The following MIER1 variants were observed in gnomAD, a reference collection of about 807,000 sequenced individuals.
MIER1 encodes MIER1 transcriptional regulator.
MIER1 carries 40 observed loss-of-function variants against 75.7 expected under a neutral mutation model. The observed-to-expected ratio is 0.53, with a 90% CI of 0.41 to 0.69. The LOEUF (loss-of-function observed/expected upper bound fraction) is 0.69, where lower values mean the gene tolerates loss of function less well. Ranked by LOEUF, MIER1 falls within the 30% of genes least tolerant of loss-of-function variation. The pLI is 0.00. For missense variants in MIER1, 574 were observed against 680.2 expected (o/e 0.84, Z 1.74); for synonymous variants, 213 against 223.4 (o/e 0.95, Z 0.42).
intron 10 of MIER1, among the ~76,000 whole-genome samples, chr1:66,972,231 A>T (rs958187656): frequency 1.3e-3 from 94 of 71,240 alleles, no homozygotes; most frequent in African/African-American, 5.4e-3. Flanking sequence ...ATATATATAC[A>T]CTACATATAT....
chr1:66,967,705 T>C (rs2101831561), intron 8 of MIER1, among the ~76,000 whole-genome samples: 1 of 152,110 alleles, frequency 6.6e-6, no homozygotes, highest in Non-Finnish European at 1.5e-5. Flanking sequence ...GTTGTCATTA[T>C]GGAGATCTTT....
chr1:66,977,935 A>G (rs990456706), intron 12 of MIER1, among the ~76,000 whole-genome samples: 2 of 152,096 alleles, frequency 1.3e-5, no homozygotes, highest in Non-Finnish European at 2.9e-5. Flanking sequence ...GCGGTGGCTC[A>G]CTCCTGTAAT....
At chr1:66,957,670 A>G (rs1196654600) in intron 4 of MIER1, among the ~76,000 whole-genome samples, 3 of 103,092 alleles carry the variant, frequency 2.9e-5, no homozygotes, top group East Asian at 2.8e-4. Flanking sequence ...CTTATAGTCT[A>G]TTTCTCATTG....
chr1:66,958,227 C>G lies in MIER1; in HGVS notation c.501+7C>G. The G allele has an allele frequency of 6.3e-7, 1 of 1,586,272 alleles. No homozygotes were observed. The highest frequency in any genetic ancestry group is 2.2e-5 in the East Asian group (1 of 44,608). On this transcript the variant is annotated splice_region_variant and intron_variant, in intron 5 of 13. Coordinates refer to ENST00000401041, the MANE Select transcript of MIER1 (RefSeq NM_001077700.3). ...CTGTAGTGGGGAAAATAAAGTAAGT[C>G]TATATACATATATTTAAGATTGTAG...
At position 66,969,069 on chromosome 1, in the gene MIER1, A is replaced by G. The variant is rs567032776; in HGVS notation, c.773-1739A>G. Among the ~76,000 whole-genome samples, 8 of 152,334 alleles carry G rather than the reference A, an allele frequency of 5.3e-5. No homozygotes were observed. The East Asian group carries it at 1.5e-3, about 29-fold the overall frequency. On this transcript the variant is annotated intron_variant, in intron 8 of 13. Transcript: ENST00000401041. Reference sequence around the variant, plus strand: ...TTATCATGGTAGTTTTATTGTATTTATAATTTAGGATATAACTAGGATTGT... The same window carrying G: ...TTATCATGGTAGTTTTATTGTATTTGTAATTTAGGATATAACTAGGATTGT...
At chr1:66,936,617 A>G (rs184841783) in intron 2 of MIER1, among the ~76,000 whole-genome samples, 55 of 152,146 alleles carry the variant, frequency 3.6e-4, no homozygotes, top group African/African-American at 1.2e-3. Flanking sequence ...TATTGTTAAG[A>G]TAACAGTTTC....
At chr1:66,977,059 A>G (rs981647986) in intron 12 of MIER1, among the ~76,000 whole-genome samples, 3 of 152,072 alleles carry the variant, frequency 2.0e-5, no homozygotes, top group Non-Finnish European at 4.4e-5. Context: ...CTGTGAAAGC[A>G]TGTTTTTCTT....
intron 7 of MIER1, among the ~76,000 whole-genome samples, chr1:66,962,723 T>G (rs746560586): frequency 9.9e-5 from 15 of 152,194 alleles, no homozygotes; most frequent in Non-Finnish European, 2.9e-5. Context: ...ATAGGGATCA[T>G]ATTTAAGACC....
At chr1:66,971,020 C>T in intron 9 of MIER1, 61 bp downstream of exon 9, 4 of 1,428,736 alleles carry the variant, frequency 2.8e-6, no homozygotes, top group Non-Finnish European at 3.8e-6. Context: ...TAAATGCTGT[C>T]ACTTGCATTG....
chr1:66,970,755 C>T, intron 8 of MIER1, 53 bp from the exon 9 acceptor site: 2 of 1,352,962 alleles, frequency 1.5e-6, no homozygotes, highest in Non-Finnish European at 1.0e-6. Context: ...TGTTTTAACA[C>T]AAACTCTATC....
chr1:66,967,609 G>C (rs1662684801), intron 8 of MIER1, among the ~76,000 whole-genome samples: 1 of 150,424 alleles, frequency 6.6e-6, no homozygotes, highest in Non-Finnish European at 1.5e-5. Context: ...TAACAACACT[G>C]ATTCTTTGAA....
chr1:66,960,026 C>T (rs1660960133), intron 7 of MIER1: 1 of 201,662 alleles, frequency 5.0e-6, no homozygotes, highest in African/African-American at 2.3e-5. Context: ...CGAGACCAGC[C>T]TGGGCAGCGT....
At chr1:66,925,534 G>A in intron 1 of MIER1, 3 of 985,448 alleles carry the variant, frequency 3.0e-6, no homozygotes, top group Non-Finnish European at 3.6e-6. Flanking sequence ...CAGCCTTTAT[G>A]GTGAGCAGCG....
intron 2 of MIER1, chr1:66,928,769 TAA>T: frequency 1.7e-6 from 1 of 578,412 alleles, no homozygotes; most frequent in East Asian, 2.9e-5. Context: ...CACTTTTATA[TAA>T]GTTTTCTAAA....
chr1:66,926,718 T>A (rs1220793568), intron 2 of MIER1, among the ~76,000 whole-genome samples: 1 of 152,162 alleles, frequency 6.6e-6, no homozygotes, highest in African/African-American at 2.4e-5. Flanking sequence ...AATAAAAATT[T>A]CAGGAAATAG....
At chr1:66,925,902 A>G (rs1651622989) in intron 1 of MIER1, among the ~76,000 whole-genome samples, 1 of 152,196 alleles carries the variant, frequency 6.6e-6, no homozygotes, top group African/African-American at 2.4e-5. Flanking sequence ...CCCGGAGTTG[A>G]CTGAACCTTC....
At chr1:66,954,062 G>C (rs1659588335) in intron 4 of MIER1, among the ~76,000 whole-genome samples, 1 of 152,168 alleles carries the variant, frequency 6.6e-6, no homozygotes, top group Non-Finnish European at 1.5e-5. Context: ...AGCATCACCA[G>C]GACCTCCATC....
At position 66,961,211 on chromosome 1, in the gene MIER1, A is replaced by AT. The variant is rs551610028; in HGVS notation, c.699+1477dup. ...AATAATTGTCAAGGTTCAGAGATTC[A>AT]TTTTTTTTTAAGACTTATAAGATGA... On this transcript the variant is annotated intron_variant, in intron 7 of 13. Transcript: ENST00000401041. Among the ~76,000 whole-genome samples the AT allele has an allele frequency of 8.3e-3, 1,260 of 151,456 alleles. 7 individuals carry two copies. The highest frequency in any genetic ancestry group is 0.017 in the Middle Eastern group (5 of 294).
intron 6 of MIER1, 110 bp from the exon 7 acceptor site, chr1:66,959,569 T>C (rs996751247): frequency 1.8e-6 from 1 of 562,388 alleles, no homozygotes; most frequent in African/African-American, 2.0e-5. Context: ...GCTTAATTCA[T>C]TAGATATCTT....
Sources: allele counts gnomAD v4.1 joint callset (sites outside exome capture counted in the v4.1 genomes callset), GRCh38; gene constraint gnomAD v4.1.1; transcripts MANE v1.5; gene names NCBI Gene and HGNC (gene_info 2026-07-23, HGNC 2026-07-21).